The following GPAM variants were observed in gnomAD, a reference collection of about 807,000 sequenced individuals.
GPAM encodes glycerol-3-phosphate acyltransferase 1, mitochondrial.
In GPAM, 56 loss-of-function variants were observed where a neutral mutation model predicts 105.0. The ratio of observed to expected loss-of-function variants is 0.53; its 90% CI spans 0.43 to 0.67. GPAM has a LOEUF of 0.67. GPAM is among the 30% of genes least tolerant of loss of function. GPAM has a pLI of 0.00. For synonymous variants in GPAM, 368 were observed against 354.4 expected (o/e 1.04, Z -0.43); for missense variants, 855 against 989.8 (o/e 0.86, Z 1.83).
intron 1 of GPAM, among the ~76,000 whole-genome samples, chr10:112,202,914 C>A (rs78891963): frequency 6.6e-6 from 1 of 152,098 alleles, no homozygotes. Flanking sequence ...TTCTTAAGAC[C>A]GAATATCAGC....
chr10:112,177,097 C>T (rs2792759), intron 5 of GPAM, among the ~76,000 whole-genome samples: 117,125 of 151,996 alleles, frequency 0.77, 46,015 homozygotes, highest in African/African-American at 0.94. Flanking sequence ...AATTTAAATG[C>T]AAATTTAAAA....
chr10:112,165,473 T>A (rs891436567), intron 12 of GPAM, among the ~76,000 whole-genome samples: 2 of 152,188 alleles, frequency 1.3e-5, no homozygotes, highest in Non-Finnish European at 2.9e-5. Flanking sequence ...GCAGATCACC[T>A]GAGGTCAGAA....
the GPAM span, among the ~76,000 whole-genome samples, chr10:112,222,713 C>T: frequency 6.6e-6 from 1 of 152,132 alleles, no homozygotes; most frequent in African/African-American, 2.4e-5. Flanking sequence ...TGTATATTTG[C>T]TTGTTCAGGT....
chr10:112,155,017 A>G, intron 20 of GPAM: 1 of 407,730 alleles, frequency 2.5e-6, no homozygotes, highest in Non-Finnish European at 4.6e-6. Context: ...GTGAGAATCA[A>G]ATGAGATAGT....
At chr10:112,180,850 TCAAA>T (rs1847496119) in intron 3 of GPAM, among the ~76,000 whole-genome samples, 1 of 152,104 alleles carries the variant, frequency 6.6e-6, no homozygotes, top group African/African-American at 2.4e-5. Context: ...TTGTAGAAGG[TCAAA>T]CAGACTTCTG....
chr10:112,193,463 G>A (rs1847686523), intron 1 of GPAM, among the ~76,000 whole-genome samples: 1 of 152,208 alleles, frequency 6.6e-6, no homozygotes, highest in African/African-American at 2.4e-5. Flanking sequence ...AAGATCTAGA[G>A]TAGAGCAGGG....
intron 1 of GPAM, among the ~76,000 whole-genome samples, chr10:112,190,128 T>TA (rs1847638974): frequency 6.6e-6 from 1 of 152,166 alleles, no homozygotes; most frequent in Non-Finnish European, 1.5e-5. Flanking sequence ...TTTCTAATCA[T>TA]ATTTGAGCCT....
At chr10:112,207,454 C>T (rs1057260762) in intron 1 of GPAM, among the ~76,000 whole-genome samples, 11 of 152,144 alleles carry the variant, frequency 7.2e-5, no homozygotes, top group Admixed American at 5.2e-4. Context: ...GCACAGGTTC[C>T]GAAGGAACAC....
At chr10:112,168,667 G>A (rs921718704) in intron 10 of GPAM, 143 bp from the exon 11 acceptor site, 2 of 722,940 alleles carry the variant, frequency 2.8e-6, no homozygotes, top group Admixed American at 4.3e-5. Flanking sequence ...TAATAAAACA[G>A]CTCCTCCAAT....
In GPAM at chr10:112,154,777, A is replaced by G. The variant is rs1846985304; in HGVS notation, c.2312-90T>C. On this transcript the variant is annotated intron_variant, in intron 20 of 21. Coordinates refer to ENST00000348367, the MANE Select transcript of GPAM (RefSeq NM_001244949.2). ...CCACAGTAAGAAAGTATGGGGAGCT[A>G]GGAAGAGAATGAGGGCAAGTCAGCA... The G allele has an allele frequency of 5.7e-6, 6 of 1,054,764 alleles. No individual in the cohort carries two copies. In the Admixed American group the frequency reaches 1.1e-4, roughly 19 times the overall value. 65.3% of individuals were successfully genotyped at this position (1,054,764 alleles called of 1,614,324 possible).
intron 1 of GPAM, among the ~76,000 whole-genome samples, chr10:112,200,009 A>C (rs747854069): frequency 2.6e-5 from 4 of 151,772 alleles, no homozygotes; most frequent in Admixed American, 1.3e-4. Context: ...AATTGTTGTC[A>C]ACTAAATCAA....
intron 12 of GPAM, among the ~76,000 whole-genome samples, chr10:112,166,154 A>T (rs1282819479): frequency 6.6e-6 from 1 of 151,660 alleles, no homozygotes; most frequent in Admixed American, 6.6e-5. Context: ...GTCATGAATT[A>T]AAAAAAAATA....
chr10:112,179,604 C>A (rs1226443770), intron 4 of GPAM, among the ~76,000 whole-genome samples: 1 of 152,148 alleles, frequency 6.6e-6, no homozygotes, highest in Non-Finnish European at 1.5e-5. Flanking sequence ...TGTTAGTAAA[C>A]CCCTTTATAC....
upstream of GPAM, among the ~76,000 whole-genome samples, chr10:112,186,312 T>C (rs1270258774): frequency 1.3e-5 from 2 of 151,478 alleles, no homozygotes; most frequent in Non-Finnish European, 2.9e-5. Context: ...TATATATTTT[T>C]ATATATATCA....
intron 2 of GPAM, among the ~76,000 whole-genome samples, chr10:112,182,352 A>C (rs1847524852): frequency 6.6e-6 from 1 of 152,206 alleles, no homozygotes; most frequent in Non-Finnish European, 1.5e-5. Context: ...GTCCTAAAAG[A>C]ACATTTTCAC....
At chr10:112,222,668 T>C in the GPAM span, among the ~76,000 whole-genome samples, 1 of 152,192 alleles carries the variant, frequency 6.6e-6, no homozygotes, top group South Asian at 2.1e-4. Flanking sequence ...AACTTCAGGC[T>C]ACTCCACTAT....
intron 4 of GPAM, 51 bp downstream of exon 4, chr10:112,180,422 A>G (rs1589597399): frequency 6.3e-7 from 1 of 1,595,358 alleles, no homozygotes. Context: ...ACAAAGTTGG[A>G]AATAATATTT....
intron 6 of GPAM, among the ~76,000 whole-genome samples, chr10:112,174,325 G>C (rs1487038464): frequency 6.6e-6 from 1 of 152,068 alleles, no homozygotes; most frequent in Admixed American, 6.5e-5. Context: ...GACCAAAAAT[G>C]GTCATAAATA....
chr10:112,173,586 T>G (rs1457984107), intron 7 of GPAM, 113 bp downstream of exon 7: 22 of 1,061,922 alleles, frequency 2.1e-5, no homozygotes, highest in Non-Finnish European at 5.9e-6. Context: ...TCAGGATTCA[T>G]TAAAACATCT....
Sources: gnomAD v4.1 joint callset for allele counts (sites outside exome capture counted in the v4.1 genomes callset) on GRCh38, gnomAD v4.1.1 for gene constraint, MANE v1.5 for transcripts, NCBI Gene and HGNC (gene_info 2026-07-23, HGNC 2026-07-21) for gene names.